NFIA: variants seen among roughly 807,000 people sequenced by gnomAD.
NFIA encodes the protein nuclear factor 1 A-type.
In NFIA, 8 loss-of-function variants were observed where a neutral mutation model predicts 62.8. The ratio of observed to expected loss-of-function variants is 0.13; its 90% CI spans 0.07 to 0.23. The LOEUF (loss-of-function observed/expected upper bound fraction) is 0.23, where lower values mean the gene tolerates loss of function less well. Ranked by LOEUF, NFIA falls within the 10% of genes least tolerant of loss-of-function variation. The pLI, the probability that NFIA is intolerant of heterozygous loss-of-function variation, is 1.00. For missense variants in NFIA, 410 were observed against 642.1 expected (o/e 0.64, Z 3.91); for synonymous variants, 235 against 238.1 (o/e 0.99, Z 0.12).
intron 2 of NFIA, among the ~76,000 whole-genome samples, chr1:61,106,508 A>G (rs1255381446): frequency 6.6e-6 from 1 of 151,856 alleles, no homozygotes; most frequent in African/African-American, 2.4e-5. Flanking sequence ...TTTGATTATT[A>G]TTGTATTTTC....
intron 6 of NFIA, among the ~76,000 whole-genome samples, chr1:61,377,805 A>T (rs1051915266): frequency 1.3e-5 from 2 of 152,232 alleles, no homozygotes; most frequent in African/African-American, 4.8e-5. Context: ...CTTACCAGGG[A>T]TACTTTTAAC....
chr1:61,131,596 CT>C (rs1647080539), intron 2 of NFIA, among the ~76,000 whole-genome samples: 2 of 151,832 alleles, frequency 1.3e-5, no homozygotes, highest in African/African-American at 4.8e-5. Flanking sequence ...GATCTGGAGC[CT>C]CTAGCTTTTA....
At chr1:61,383,798 C>G (rs938178261) in intron 7 of NFIA, among the ~76,000 whole-genome samples, 1 of 152,136 alleles carries the variant, frequency 6.6e-6, no homozygotes, top group African/African-American at 2.4e-5. Context: ...TTTTCTCATC[C>G]CTGCTGACTC....
chr1:61,178,125 AT>A (rs1198440049), intron 2 of NFIA, among the ~76,000 whole-genome samples: 1 of 152,146 alleles, frequency 6.6e-6, no homozygotes, highest in Non-Finnish European at 1.5e-5. Flanking sequence ...CACTTTGAAA[AT>A]TTGCCAAGGT....
intron 2 of NFIA, among the ~76,000 whole-genome samples, chr1:61,231,166 A>C (rs1355534555): frequency 6.6e-6 from 1 of 152,116 alleles, no homozygotes; most frequent in African/African-American, 2.4e-5. Context: ...GATACTCATG[A>C]AGTTCTGTGT....
intron 2 of NFIA, chr1:61,132,729 T>C (rs997178791): frequency 1.3e-5 from 2 of 152,206 alleles, no homozygotes; most frequent in African/African-American, 2.4e-5. Flanking sequence ...CACAACACTT[T>C]AGATATACAT....
chr1:61,270,419 A>G (rs1300610604), intron 2 of NFIA, among the ~76,000 whole-genome samples: 1 of 151,466 alleles, frequency 6.6e-6, no homozygotes, highest in African/African-American at 2.4e-5. Flanking sequence ...TTAGTACTTT[A>G]AGGTGCTACC....
At chr1:61,327,655 G>T (rs964746772) in intron 3 of NFIA, among the ~76,000 whole-genome samples, 1 of 151,646 alleles carries the variant, frequency 6.6e-6, no homozygotes, top group Non-Finnish European at 1.5e-5. Context: ...TTCTTTATCC[G>T]CTCCTTGGCC....
At position 61,095,216 on chromosome 1, in the gene NFIA, A is replaced by T. The variant is rs149878947; in HGVS notation, c.559+6536A>T. On this transcript the variant is annotated intron_variant, in intron 2 of 10. Transcript: ENST00000403491. ...ATCAATTGGGAGTAGAGAAAAGGAGATGGAAGGAAGGAAAGGAAATAACTT... is the reference window on the plus strand; with the variant it reads ...ATCAATTGGGAGTAGAGAAAAGGAGTTGGAAGGAAGGAAAGGAAATAACTT... 5.5e-4 allele frequency among the ~76,000 whole-genome samples: 84 copies of T among 152,310 alleles called. 1 individual carries two copies. The highest frequency in any genetic ancestry group is 2.0e-3 in the African/African-American group (83 of 41,580).
intron 3 of NFIA, among the ~76,000 whole-genome samples, chr1:61,286,935 A>C (rs903877078): frequency 1.3e-5 from 2 of 152,316 alleles, no homozygotes; most frequent in African/African-American, 4.8e-5. Flanking sequence ...CAGCCCTGAG[A>C]CATGCTGGAA....
chr1:61,268,187 A>G (rs1170991054), intron 2 of NFIA, among the ~76,000 whole-genome samples: 2 of 152,196 alleles, frequency 1.3e-5, no homozygotes, highest in African/African-American at 4.8e-5. Flanking sequence ...AGGGGAAAAG[A>G]AATTCCTGAT....
intron 2 of NFIA, among the ~76,000 whole-genome samples, chr1:61,105,832 A>G (rs993165112): frequency 1.1e-4 from 16 of 151,946 alleles, no homozygotes; most frequent in Non-Finnish European, 2.1e-4. Context: ...TTTTAAAAAA[A>G]GAATTGCATA....
At chr1:61,361,858 C>G (rs1663315290) in intron 6 of NFIA, among the ~76,000 whole-genome samples, 1 of 150,802 alleles carries the variant, frequency 6.6e-6, no homozygotes, top group Non-Finnish European at 1.5e-5. Context: ...GAGAATCCCT[C>G]ACAGTTGTAT....
At chr1:61,139,180 A>C (rs535872455) in intron 2 of NFIA, among the ~76,000 whole-genome samples, 1 of 152,304 alleles carries the variant, frequency 6.6e-6, no homozygotes, top group African/African-American at 2.4e-5. Flanking sequence ...TGTCTCAAAC[A>C]AAACAAAAGA....
chr1:61,247,736 C>T (rs2100652868), intron 2 of NFIA, among the ~76,000 whole-genome samples: 2 of 152,212 alleles, frequency 1.3e-5, no homozygotes, highest in East Asian at 3.9e-4. Flanking sequence ...GAGTTTGCTG[C>T]CACCATTGGG....
At chr1:61,155,588 G>T (rs1262735107) in intron 2 of NFIA, among the ~76,000 whole-genome samples, 14 of 144,542 alleles carry the variant, frequency 9.7e-5, no homozygotes, top group African/African-American at 3.6e-4. Flanking sequence ...CAGGAGGATG[G>T]CGTGAACCCG....
chr1:61,402,450 C>A (rs1214593773), intron 7 of NFIA, among the ~76,000 whole-genome samples: 2 of 152,188 alleles, frequency 1.3e-5, no homozygotes, highest in African/African-American at 4.8e-5. Context: ...TTATTAACCT[C>A]TGTTTATTCA....
chr1:61,316,032 C>G (rs759662393), intron 3 of NFIA, among the ~76,000 whole-genome samples: 1 of 152,174 alleles, frequency 6.6e-6, no homozygotes, highest in Non-Finnish European at 1.5e-5. Flanking sequence ...CCAATGTACT[C>G]TCTCGTCCAC....
At chr1:61,447,913 A>C (rs1667890668) in intron 10 of NFIA, among the ~76,000 whole-genome samples, 2 of 152,304 alleles carry the variant, frequency 1.3e-5, no homozygotes, top group Non-Finnish European at 2.9e-5. Flanking sequence ...ATGAAAGAAA[A>C]GCACAATAAA....
Sources: allele counts gnomAD v4.1 joint callset (sites outside exome capture counted in the v4.1 genomes callset), GRCh38; gene constraint gnomAD v4.1.1; transcripts MANE v1.5; gene names NCBI Gene and HGNC (gene_info 2026-07-23, HGNC 2026-07-21).